ADAMTSL1: variants seen among roughly 807,000 people sequenced by gnomAD.
ADAMTSL1 encodes the protein ADAMTS like 1.
In ADAMTSL1, 126 loss-of-function variants were observed where a neutral mutation model predicts 201.8. That is an observed-to-expected ratio of 0.62 (90% CI 0.54 to 0.72). The LOEUF is 0.72. Among genes scored for constraint, ADAMTSL1 ranks in the 30% least tolerant of loss-of-function variants. ADAMTSL1 has a pLI of 0.00. For missense variants in ADAMTSL1, 2,679 were observed against 2,277.8 expected (o/e 1.18, Z -3.59); for synonymous variants, 1,121 against 903.4 (o/e 1.24, Z -4.32).
chr9:18,159,741 G>A (rs1425315469), intron 1 of ADAMTSL1, among the ~76,000 whole-genome samples: 3 of 151,930 alleles, frequency 2.0e-5, no homozygotes, highest in East Asian at 3.9e-4. Flanking sequence ...ATACTAATCA[G>A]TATTCTCTAG....
rs532323373 is a variant in ADAMTSL1 at position 18,099,059 on chromosome 9, TAGA to T, written c.88-64797_88-64795del. Among the ~76,000 whole-genome samples, 185 of 151,656 alleles carry T rather than the reference TAGA, an allele frequency of 1.2e-3. 1 individual carries two copies. The highest frequency in any genetic ancestry group is 4.1e-3 in the African/African-American group (168 of 41,444). On this transcript the variant is annotated intron_variant, in intron 1 of 29. Coordinates refer to the ADAMTSL1 transcript ENST00000680146. Reference sequence around the variant, plus strand: ...ATTAATCTGTTTATTTCATCCTATCTAGAAGAAGTCCATTCCATGACTTTTTTG... The same window carrying T: ...ATTAATCTGTTTATTTCATCCTATCTAGAAGTCCATTCCATGACTTTTTTG...
At chr9:18,865,126 G>T (rs564594302) in intron 23 of ADAMTSL1, among the ~76,000 whole-genome samples, 9 of 152,072 alleles carry the variant, frequency 5.9e-5, no homozygotes, top group East Asian at 5.8e-4. Context: ...TGCCATGTTG[G>T]TGTGCTGCAC....
chr9:18,887,141 A>G (rs753778606), intron 23 of ADAMTSL1, among the ~76,000 whole-genome samples: 8 of 152,206 alleles, frequency 5.3e-5, no homozygotes, highest in Non-Finnish European at 1.2e-4. Flanking sequence ...CCTTCAAGGA[A>G]TTTCTCTCAC....
intron 3 of ADAMTSL1, among the ~76,000 whole-genome samples, chr9:18,545,203 A>G (rs1040028209): frequency 2.0e-5 from 3 of 152,178 alleles, no homozygotes; most frequent in Admixed American, 6.6e-5. Flanking sequence ...AACTCATTCA[A>G]TTCTCACCAC....
chr9:18,747,232 G>A (rs1303854350), intron 15 of ADAMTSL1, among the ~76,000 whole-genome samples: 1 of 152,170 alleles, frequency 6.6e-6, no homozygotes, highest in East Asian at 1.9e-4. Flanking sequence ...CTTTGGACAG[G>A]TTACCTAACC....
At chr9:18,078,068 TA>T (rs964950643) in intron 1 of ADAMTSL1, among the ~76,000 whole-genome samples, 1 of 152,064 alleles carries the variant, frequency 6.6e-6, no homozygotes, top group African/African-American at 2.4e-5. Flanking sequence ...TATAGGAGAA[TA>T]GTGAGCAAAC....
At chr9:18,388,656 T>C (rs554989173) in intron 2 of ADAMTSL1, among the ~76,000 whole-genome samples, 1 of 152,260 alleles carries the variant, frequency 6.6e-6, no homozygotes, top group Non-Finnish European at 1.5e-5. Flanking sequence ...TTTCATTTTC[T>C]AAATTTTCTC....
At chr9:18,609,512 T>C (rs1416037544) in intron 4 of ADAMTSL1, among the ~76,000 whole-genome samples, 1 of 152,088 alleles carries the variant, frequency 6.6e-6, no homozygotes, top group Admixed American at 6.6e-5. Flanking sequence ...GGAATTTGAG[T>C]TGTGATCTTA....
chr9:18,849,772 C>T lies in ADAMTSL1; in HGVS notation c.4249+19795C>T, dbSNP rs866737406. On this transcript the variant is annotated intron_variant, in intron 23 of 28. Coordinates refer to ENST00000380548, the MANE Select transcript of ADAMTSL1 (RefSeq NM_001040272.6). ...TTTTGATTTCCTAAAGCTTTGCCCA[C>T]AAAGAGAAAATGCTTTGCTATTAAG... is the stretch of plus-strand genomic sequence containing the variant. Among the ~76,000 whole-genome samples, 13 of 152,278 alleles carry T rather than the reference C, an allele frequency of 8.5e-5. 1 individual carries two copies. The South Asian group carries it at 2.1e-3, about 24-fold the overall frequency.
chr9:18,496,232 A>G (rs1460764177), intron 1 of ADAMTSL1, among the ~76,000 whole-genome samples: 1 of 152,246 alleles, frequency 6.6e-6, no homozygotes, highest in African/African-American at 2.4e-5. Context: ...TAAGGAGAAT[A>G]CTGCAATACT....
intron 2 of ADAMTSL1, among the ~76,000 whole-genome samples, chr9:18,303,065 A>C (rs560941199): frequency 1.6e-4 from 24 of 152,328 alleles, no homozygotes; most frequent in African/African-American, 5.8e-4. Context: ...AGTATACTTA[A>C]ATAATCGAAA....
intron 2 of ADAMTSL1, among the ~76,000 whole-genome samples, chr9:18,528,078 A>C (rs1255359773): frequency 6.6e-6 from 1 of 152,008 alleles, no homozygotes; most frequent in Non-Finnish European, 1.5e-5. Context: ...GGGTTTCATC[A>C]CGTTGGCCAG....
chr9:18,727,693 T>C (rs1564186661), intron 15 of ADAMTSL1, among the ~76,000 whole-genome samples: 1 of 152,256 alleles, frequency 6.6e-6, no homozygotes, highest in Non-Finnish European at 1.5e-5. Context: ...CTAGATATTC[T>C]TTTCCATGTG....
intron 2 of ADAMTSL1, among the ~76,000 whole-genome samples, chr9:18,224,296 T>G (rs1312545567): frequency 1.3e-5 from 2 of 152,144 alleles, no homozygotes; most frequent in Non-Finnish European, 2.9e-5. Context: ...GATGGTGCCC[T>G]GAATGCTATA....
At chr9:17,916,949 TG>T (rs965757753) in intron 1 of ADAMTSL1, among the ~76,000 whole-genome samples, 48 of 152,320 alleles carry the variant, frequency 3.2e-4, no homozygotes, top group African/African-American at 1.1e-3. Context: ...AAACAGTATT[TG>T]GTACAATATT....
chr9:18,266,006 T>C (rs1832105456), intron 2 of ADAMTSL1, among the ~76,000 whole-genome samples: 1 of 152,022 alleles, frequency 6.6e-6, no homozygotes, highest in African/African-American at 2.4e-5. Flanking sequence ...TAATTTAAAA[T>C]AAAAAATAAT....
At chr9:18,331,570 A>G (rs970553099) in intron 2 of ADAMTSL1, among the ~76,000 whole-genome samples, 7 of 152,196 alleles carry the variant, frequency 4.6e-5, no homozygotes, top group African/African-American at 1.7e-4. Context: ...AACAAAATGA[A>G]TGAATTATTG....
chr9:18,345,332 T>C (rs980541736), intron 2 of ADAMTSL1, among the ~76,000 whole-genome samples: 1 of 152,110 alleles, frequency 6.6e-6, no homozygotes, highest in African/African-American at 2.4e-5. Context: ...GAAAATAAAA[T>C]CTAAAAACTG....
At chr9:18,873,797 A>G (rs945678949) in intron 23 of ADAMTSL1, among the ~76,000 whole-genome samples, 1 of 152,148 alleles carries the variant, frequency 6.6e-6, no homozygotes, top group African/African-American at 2.4e-5. Context: ...TTAGTTACAT[A>G]TGAATTTTAG....
Sources: allele counts gnomAD v4.1 joint callset (sites outside exome capture counted in the v4.1 genomes callset), GRCh38; gene constraint gnomAD v4.1.1; transcripts MANE v1.5; gene names NCBI Gene and HGNC (gene_info 2026-07-23, HGNC 2026-07-21).